Variants in CCSER1 observed in about 807,000 individuals in gnomAD.
CCSER1 encodes serine-rich coiled-coil domain-containing protein 1.
In CCSER1, 41 loss-of-function variants were observed where a neutral mutation model predicts 82.0. That is an observed-to-expected ratio of 0.50 (90% confidence interval 0.39 to 0.65). The LOEUF (loss-of-function observed/expected upper bound fraction) is 0.65, where lower values mean the gene tolerates loss of function less well. Ranked by LOEUF, CCSER1 falls within the 30% of genes least tolerant of loss-of-function variation. CCSER1 has a pLI of 0.00. For synonymous variants in CCSER1, 414 were observed against 383.9 expected (o/e 1.08, Z -0.92); for missense variants, 1,119 against 1,064.2 (o/e 1.05, Z -0.72).
intron 10 of CCSER1, among the ~76,000 whole-genome samples, chr4:91,357,631 T>C (rs1369518752): frequency 2.0e-5 from 3 of 152,018 alleles, no homozygotes; most frequent in Non-Finnish European, 2.9e-5. Context: ...ACTTTTCTTA[T>C]ACACTTCGCA....
chr4:90,798,020 C>T (rs1756275239), intron 7 of CCSER1, among the ~76,000 whole-genome samples: 1 of 152,106 alleles, frequency 6.6e-6, no homozygotes. Flanking sequence ...ATGTTGGCCT[C>T]TCTAGGTAGG....
chr4:90,172,323 A>G, intron 1 of CCSER1, among the ~76,000 whole-genome samples: 1 of 151,916 alleles, frequency 6.6e-6, no homozygotes, highest in East Asian at 1.9e-4. Context: ...AAGTTGAAAT[A>G]AAAGAGCAGG....
intron 10 of CCSER1, among the ~76,000 whole-genome samples, chr4:91,467,739 T>C (rs1757006758): frequency 6.6e-6 from 1 of 152,000 alleles, no homozygotes; most frequent in East Asian, 1.9e-4. Context: ...CAGCCAACAG[T>C]CACATGAAAA....
intron 3 of CCSER1, among the ~76,000 whole-genome samples, chr4:90,356,224 T>C (rs1744357551): frequency 6.6e-6 from 1 of 151,902 alleles, no homozygotes; most frequent in African/African-American, 2.4e-5. Flanking sequence ...GTAGCTATAC[T>C]GTTTTATAAC....
chr4:90,485,194 C>T (rs1350313754), intron 5 of CCSER1, among the ~76,000 whole-genome samples: 2 of 152,220 alleles, frequency 1.3e-5, no homozygotes, highest in African/African-American at 4.8e-5. Flanking sequence ...ATATAATCTC[C>T]TGGTGTGCCC....
intron 10 of CCSER1, among the ~76,000 whole-genome samples, chr4:91,392,427 A>G (rs1056431283): frequency 2.7e-5 from 4 of 150,336 alleles, no homozygotes; most frequent in Non-Finnish European, 5.9e-5. Flanking sequence ...TTCTTTTGTG[A>G]TTTTTTTTCC....
intron 7 of CCSER1, among the ~76,000 whole-genome samples, chr4:90,803,891 A>C (rs781592400): frequency 4.6e-5 from 7 of 152,146 alleles, no homozygotes; most frequent in Non-Finnish European, 8.8e-5. Context: ...CTGACTTCTT[A>C]ATGATCACCA....
chr4:90,335,402 T>C (rs1740195855), intron 3 of CCSER1, among the ~76,000 whole-genome samples: 1 of 152,028 alleles, frequency 6.6e-6, no homozygotes, highest in African/African-American at 2.4e-5. Context: ...CAAACAAACA[T>C]GTCTGAAGAG....
rs759779956 is a variant in CCSER1 at position 90,923,336 on chromosome 4, A to G, written c.2095-34A>G. The G allele has an allele frequency of 1.0e-4, 154 of 1,478,252 alleles. 2 individuals carry two copies. The South Asian group carries it at 1.8e-3, about 17-fold the overall frequency. The allele number at this position is 1,478,252 out of a possible 1,614,324, so 91.6% of individuals were successfully genotyped here. On this transcript the variant is annotated intron_variant, in intron 8 of 10. Coordinates refer to ENST00000509176, the MANE Select transcript of CCSER1 (RefSeq NM_001145065.2). ...TTAGTGTAGAAGTACACACCTCACC[A>G]ACAATGTGTTGTTGCTGTTTTTTCA...
At chr4:91,030,477 A>G (rs13125936) in intron 9 of CCSER1, among the ~76,000 whole-genome samples, 51,525 of 151,988 alleles carry the variant, frequency 0.34, 10,557 homozygotes, top group East Asian at 0.58. Context: ...ACAGCTCTGG[A>G]CAGACAGTAA....
chr4:91,203,814 C>A (rs1459214048), intron 10 of CCSER1, among the ~76,000 whole-genome samples: 3 of 151,654 alleles, frequency 2.0e-5, no homozygotes, highest in African/African-American at 7.3e-5. Flanking sequence ...CTATAGTCTA[C>A]AGTGTTTTGA....
At chr4:90,743,627 A>G (rs754749613) in intron 7 of CCSER1, among the ~76,000 whole-genome samples, 1 of 152,226 alleles carries the variant, frequency 6.6e-6, no homozygotes, top group Non-Finnish European at 1.5e-5. Context: ...CTGCTTAACA[A>G]GAAAGACTTC....
At chr4:90,955,214 A>C (rs1157916176) in intron 9 of CCSER1, among the ~76,000 whole-genome samples, 2 of 152,166 alleles carry the variant, frequency 1.3e-5, no homozygotes, top group Admixed American at 1.3e-4. Flanking sequence ...AGCTGGTCCC[A>C]AAAAGACACT....
At chr4:91,139,600 C>T (rs1190758349) in intron 10 of CCSER1, among the ~76,000 whole-genome samples, 2 of 152,004 alleles carry the variant, frequency 1.3e-5, no homozygotes, top group African/African-American at 2.4e-5. Flanking sequence ...TGTTGGAGTC[C>T]TGAAGTGTTC....
At position 91,435,103 on chromosome 4, in the gene CCSER1, A is replaced by C. The variant is rs76459834; in HGVS notation, c.2218-163469A>C. Among the ~76,000 whole-genome samples the C allele has an allele frequency of 8.8e-4, 134 of 152,296 alleles. 3 individuals are homozygous for C. The East Asian group carries it at 0.022, about 25-fold the overall frequency. On this transcript the variant is annotated intron_variant, in intron 10 of 10. Transcript: ENST00000509176. Reference sequence around the variant, plus strand: ...CAGCTGCACATTTTCTTGTTAGTGCAACAATGCTTATCTAACACTTTCCAT... The same window carrying C: ...CAGCTGCACATTTTCTTGTTAGTGCCACAATGCTTATCTAACACTTTCCAT...
chr4:91,536,973 G>C (rs1761330138), intron 10 of CCSER1, among the ~76,000 whole-genome samples: 1 of 151,854 alleles, frequency 6.6e-6, no homozygotes, highest in Non-Finnish European at 1.5e-5. Context: ...GGATTAGTGG[G>C]ATTTTATTTT....
chr4:90,326,574 ATTGTATACAT>A (rs1181503779), intron 3 of CCSER1, among the ~76,000 whole-genome samples: 2 of 152,020 alleles, frequency 1.3e-5, no homozygotes, highest in Admixed American at 6.6e-5. Context: ...TAGGCTCTTT[ATTGTATACAT>A]TTGTAATTAT....
chr4:91,006,651 G>A (rs933035014), intron 9 of CCSER1, among the ~76,000 whole-genome samples: 2 of 151,812 alleles, frequency 1.3e-5, no homozygotes, highest in Non-Finnish European at 2.9e-5. Context: ...CACCATGTCC[G>A]GCTAATTTTT....
intron 8 of CCSER1, among the ~76,000 whole-genome samples, chr4:90,833,347 A>G (rs920675663): frequency 6.6e-6 from 1 of 152,156 alleles, no homozygotes; most frequent in Non-Finnish European, 1.5e-5. Flanking sequence ...ACCTCTTAAT[A>G]GAGTTGCATT....
Sources: gnomAD v4.1 joint callset for allele counts (sites outside exome capture counted in the v4.1 genomes callset) on GRCh38, gnomAD v4.1.1 for gene constraint, MANE v1.5 for transcripts, NCBI Gene and HGNC (gene_info 2026-07-23, HGNC 2026-07-21) for gene names.